The following NELL1 variants were observed in gnomAD, a reference collection of about 807,000 sequenced individuals.
NELL1 encodes the protein protein kinase C-binding protein NELL1.
A neutral mutation model predicts 107.4 loss-of-function variants in NELL1; 76 were observed. The ratio of observed to expected loss-of-function variants is 0.71; its 90% CI spans 0.59 to 0.86. The LOEUF (loss-of-function observed/expected upper bound fraction) is 0.86. Among genes scored for constraint, NELL1 ranks in the 40% least tolerant of loss-of-function variants. The pLI, the probability that NELL1 is intolerant of heterozygous loss-of-function variation, is 0.00. For synonymous variants in NELL1, 353 were observed against 341.2 expected (o/e 1.03, Z -0.38); for missense variants, 1,024 against 1,005.5 (o/e 1.02, Z -0.25).
At chr11:21,279,571 G>T (rs998200970) in intron 14 of NELL1, among the ~76,000 whole-genome samples, 4 of 152,136 alleles carry the variant, frequency 2.6e-5, no homozygotes, top group African/African-American at 9.7e-5. Context: ...ACACCTATTG[G>T]AATGGCCAAA....
chr11:20,783,718 G>C lies in NELL1; in HGVS notation c.223G>C (p.Glu75Gln). The C allele has an allele frequency of 6.2e-7, 1 of 1,613,976 alleles. No homozygotes were observed. The highest frequency in any genetic ancestry group is 8.5e-7 in the Non-Finnish European group (1 of 1,179,970). ...GATCCATGCAGCTCCTCATGTGAGT[G>C]AGAAATTAATTCAGCTGTTCCGGAA... The part of the protein sequence containing the change: ...REIHAAPHVS[E>Q]KLIQLFRNKS... The change falls in exon 3 of 20, where the codon GAG (glutamate) becomes CAG (glutamine). Residue 75 changes from glutamate (E) to glutamine (Q), a missense_variant. Glu to Gln is a conservative substitution (Grantham distance 29). Coordinates refer to ENST00000357134, the MANE Select transcript of NELL1 (RefSeq NM_006157.5).
chr11:21,100,514 G>A (rs1314165090), intron 12 of NELL1, among the ~76,000 whole-genome samples: 2 of 152,128 alleles, frequency 1.3e-5, no homozygotes, highest in African/African-American at 4.8e-5. Context: ...AATTTATGGT[G>A]GAACCACAAT....
At chr11:21,370,143 G>C (rs1382867252) in intron 14 of NELL1, among the ~76,000 whole-genome samples, 1 of 151,982 alleles carries the variant, frequency 6.6e-6, no homozygotes, top group African/African-American at 2.4e-5. Context: ...GAACTAACCT[G>C]GTCTGGGAAG....
chr11:21,492,855 G>C (rs961260717), intron 15 of NELL1, among the ~76,000 whole-genome samples: 12 of 151,616 alleles, frequency 7.9e-5, no homozygotes, highest in Non-Finnish European at 1.5e-4. Flanking sequence ...TGTAACTAAC[G>C]TGCACATTGT....
At chr11:20,969,420 T>C (rs1258578434) in intron 12 of NELL1, among the ~76,000 whole-genome samples, 1 of 152,178 alleles carries the variant, frequency 6.6e-6, no homozygotes, top group African/African-American at 2.4e-5. Context: ...AAATGTATTC[T>C]TTAAAGAGGA....
chr11:20,738,669 C>G (rs555577230), intron 2 of NELL1, among the ~76,000 whole-genome samples: 19 of 152,270 alleles, frequency 1.2e-4, no homozygotes, highest in African/African-American at 4.6e-4. Context: ...AGCTTCTTGA[C>G]CTTGGATCAT....
At chr11:21,405,168 T>C (rs1356469737) in intron 15 of NELL1, among the ~76,000 whole-genome samples, 1 of 149,362 alleles carries the variant, frequency 6.7e-6, no homozygotes, top group Non-Finnish European at 1.5e-5. Context: ...AAGCTCTTTT[T>C]CAATCACATA....
At chr11:21,363,498 T>C (rs1565188473) in intron 14 of NELL1, among the ~76,000 whole-genome samples, 1 of 152,192 alleles carries the variant, frequency 6.6e-6, no homozygotes, top group South Asian at 2.1e-4. Context: ...GGTGAATTCC[T>C]TCAGTTTTCC....
intron 12 of NELL1, among the ~76,000 whole-genome samples, chr11:21,068,446 A>G (rs1853932850): frequency 6.6e-6 from 1 of 152,212 alleles, no homozygotes; most frequent in Non-Finnish European, 1.5e-5. Flanking sequence ...ACTTCATTAG[A>G]TAAACAACGG....
In NELL1 at chr11:20,712,812, A is replaced by C. The variant is rs536704328; in HGVS notation, c.184+34752A>C. Among the ~76,000 whole-genome samples the C allele has an allele frequency of 9.2e-5, 14 of 152,356 alleles. No homozygotes were observed. The South Asian group carries it at 2.9e-3, about 32-fold the overall frequency. On this transcript the variant is annotated intron_variant, in intron 2 of 19. Coordinates refer to ENST00000357134, the MANE Select transcript of NELL1 (RefSeq NM_006157.5). ...CTGGTGCTGGAGAATGTTTGCAACA[A>C]GTCCTGTGATATGATCCATCTTCAG...
intron 12 of NELL1, among the ~76,000 whole-genome samples, chr11:21,057,217 G>A (rs1853634055): frequency 6.6e-6 from 1 of 152,004 alleles, no homozygotes; most frequent in South Asian, 2.1e-4. Context: ...ATGGCCCATT[G>A]AAAACTGTTA....
chr11:21,540,662 G>C (rs138078936), intron 16 of NELL1, among the ~76,000 whole-genome samples: 5 of 151,992 alleles, frequency 3.3e-5, no homozygotes, highest in African/African-American at 7.2e-5. Flanking sequence ...GAGAGTGAAG[G>C]GGGGAGGTAC....
intron 12 of NELL1, among the ~76,000 whole-genome samples, chr11:21,026,693 C>T (rs2134310488): frequency 6.6e-6 from 1 of 152,206 alleles, no homozygotes; most frequent in African/African-American, 2.4e-5. Flanking sequence ...TGTGTATTTA[C>T]TTTGTGTAAG....
At chr11:21,103,846 C>T (rs910216252) in intron 12 of NELL1, among the ~76,000 whole-genome samples, 4 of 152,124 alleles carry the variant, frequency 2.6e-5, no homozygotes, top group African/African-American at 9.7e-5. Flanking sequence ...CAGTCTCTTT[C>T]AACGGAATTA....
chr11:20,935,999 T>A (rs1850716996), intron 9 of NELL1, among the ~76,000 whole-genome samples: 1 of 151,986 alleles, frequency 6.6e-6, no homozygotes, highest in South Asian at 2.1e-4. Flanking sequence ...GCAGGTCAGG[T>A]TCTGAGGGGA....
At chr11:21,463,878 T>C (rs1447249219) in intron 15 of NELL1, among the ~76,000 whole-genome samples, 3 of 152,134 alleles carry the variant, frequency 2.0e-5, no homozygotes, top group African/African-American at 7.2e-5. Context: ...GTGACTTGAA[T>C]GGCTGAAGCT....
intron 14 of NELL1, among the ~76,000 whole-genome samples, chr11:21,248,088 T>G (rs972839375): frequency 2.6e-5 from 4 of 152,160 alleles, no homozygotes; most frequent in Non-Finnish European, 5.9e-5. Context: ...CTCACGCCTG[T>G]AATTCCAGCC....
intron 3 of NELL1, among the ~76,000 whole-genome samples, chr11:20,839,307 G>T (rs1293791685): frequency 1.3e-5 from 2 of 152,192 alleles, no homozygotes; most frequent in Non-Finnish European, 2.9e-5. Context: ...AAGGCAGTTT[G>T]TAATTGCTGT....
At chr11:21,007,200 C>G (rs1266250897) in intron 12 of NELL1, among the ~76,000 whole-genome samples, 1 of 152,102 alleles carries the variant, frequency 6.6e-6, no homozygotes, top group Non-Finnish European at 1.5e-5. Context: ...CCCTTATCCT[C>G]TTATTGTCTG....
Sources: gnomAD v4.1 joint callset for allele counts (sites outside exome capture counted in the v4.1 genomes callset) on GRCh38, gnomAD v4.1.1 for gene constraint, MANE v1.5 for transcripts, NCBI Gene and HGNC (gene_info 2026-07-23, HGNC 2026-07-21) for gene names.